The following SINHCAF variants were observed in gnomAD, a reference collection of about 807,000 sequenced individuals.
The protein encoded by SINHCAF is SIN3-HDAC complex associated factor.
SINHCAF carries 3 observed loss-of-function variants against 25.8 expected under a neutral mutation model. The observed-to-expected ratio is 0.12, with a 90% CI of 0.05 to 0.30. The LOEUF is 0.30. Among genes scored for constraint, SINHCAF ranks in the 10% least tolerant of loss-of-function variants. SINHCAF has a pLI of 1.00. For synonymous variants in SINHCAF, 70 were observed against 85.5 expected (o/e 0.82, Z 1.00); for missense variants, 121 against 262.3 (o/e 0.46, Z 3.72).
chr12:31,303,191 T>C, intron 1 of SINHCAF: 1 of 985,464 alleles, frequency 1.0e-6, no homozygotes, highest in Non-Finnish European at 1.2e-6. Flanking sequence ...AGAACAAATA[T>C]TTAGAAGAGG....
At chr12:31,319,091 C>T (rs118186367) in intron 1 of SINHCAF, among the ~76,000 whole-genome samples, 1 of 152,298 alleles carries the variant, frequency 6.6e-6, no homozygotes, top group East Asian at 1.9e-4. Context: ...TGAAAAGCCC[C>T]ATATACTCCT....
chr12:31,290,982 G>A (rs1316224363), intron 4 of SINHCAF, among the ~76,000 whole-genome samples: 2 of 152,158 alleles, frequency 1.3e-5, no homozygotes. Context: ...GCCTCCCAAA[G>A]TGCTGGGATT....
Position 31,298,214 on chromosome 12 carries a change from TG to T in SINHCAF, c.-11del. 6.2e-7 allele frequency: 1 copy of T among 1,613,952 alleles called. No individual in the cohort carries two copies. Among genetic ancestry groups the T allele is most frequent in the African/African-American group, 1.3e-5 (1 of 75,046 alleles). On this transcript the variant is annotated 5_prime_UTR_variant, in exon 2 of 6. Transcript: ENST00000337682. ...TGTGAAAACCAAACATCTTTTCTTC[TG>T]GGCAATAGTCTGTAAAGCCAAGGGA...
chr12:31,314,948 G>C (rs1025608476), intron 1 of SINHCAF, among the ~76,000 whole-genome samples: 4 of 152,206 alleles, frequency 2.6e-5, no homozygotes, highest in African/African-American at 9.7e-5. Flanking sequence ...AGTTGCAGGG[G>C]ATTTAGTCGA....
intron 1 of SINHCAF, among the ~76,000 whole-genome samples, chr12:31,316,064 G>A (rs1192623370): frequency 6.6e-6 from 1 of 152,054 alleles, no homozygotes; most frequent in Non-Finnish European, 1.5e-5. Flanking sequence ...CAGCTACTCA[G>A]GAGGCTGAGG....
chr12:31,314,673 A>G (rs1939429950), intron 1 of SINHCAF, among the ~76,000 whole-genome samples: 1 of 152,152 alleles, frequency 6.6e-6, no homozygotes, highest in African/African-American at 2.4e-5. Context: ...TCAGCATTCT[A>G]TAAGGAAGAA....
At chr12:31,305,313 A>G (rs1938976534) in intron 1 of SINHCAF, among the ~76,000 whole-genome samples, 1 of 152,196 alleles carries the variant, frequency 6.6e-6, no homozygotes, top group African/African-American at 2.4e-5. Flanking sequence ...CCAGGAGCGC[A>G]CTGTGGGACG....
chr12:31,324,688 A>C lies in SINHCAF; in HGVS notation c.-21+1336T>G, dbSNP rs1939881811. ...GTCCAGCCGGGCGCTGCCTACGTGCAGCATCAGGGATGTCGGAGCGTTTCG... is the reference window on the plus strand; with the variant it reads ...GTCCAGCCGGGCGCTGCCTACGTGCCGCATCAGGGATGTCGGAGCGTTTCG... On this transcript the variant is annotated intron_variant, in intron 1 of 5. Coordinates refer to ENST00000337682, the MANE Select transcript of SINHCAF (RefSeq NM_001135812.2). The surrounding 1 kb of genome is among the most constrained non-coding windows in gnomAD (Gnocchi z 5.5). 5 of 327,598 alleles carry C rather than the reference A, an allele frequency of 1.5e-5. No individual in the cohort carries two copies. Among genetic ancestry groups the C allele is most frequent in the South Asian group, 1.2e-4 (5 of 42,824 alleles). 20.3% of individuals were successfully genotyped at this position (327,598 alleles called of 1,614,324 possible).
intron 1 of SINHCAF, among the ~76,000 whole-genome samples, chr12:31,307,017 T>G (rs979488165): frequency 2.0e-5 from 3 of 152,154 alleles, no homozygotes; most frequent in Non-Finnish European, 4.4e-5. Context: ...CATTATCTAG[T>G]GGTGATTCTT....
At chr12:31,298,497 A>C (rs1007705269) in intron 1 of SINHCAF, 27 of 361,068 alleles carry the variant, frequency 7.5e-5, no homozygotes, top group African/African-American at 4.5e-4. Flanking sequence ...GGGGAAGAGA[A>C]GCATTTTTTA....
chr12:31,283,934 T>C (rs1937925624), intron 5 of SINHCAF, among the ~76,000 whole-genome samples: 1 of 151,774 alleles, frequency 6.6e-6, no homozygotes, highest in South Asian at 2.1e-4. Flanking sequence ...AACGTTGAGA[T>C]CCATACATAT....
At chr12:31,321,930 AAT>A (rs1440096217) in intron 1 of SINHCAF, among the ~76,000 whole-genome samples, 2 of 152,146 alleles carry the variant, frequency 1.3e-5, no homozygotes, top group African/African-American at 4.8e-5. Flanking sequence ...CTCTGACATA[AAT>A]ATGTCTGAGT....
intron 1 of SINHCAF, among the ~76,000 whole-genome samples, chr12:31,321,714 T>C (rs1432768521): frequency 6.6e-6 from 1 of 152,308 alleles, no homozygotes. Context: ...ATGTGTTCCT[T>C]TTCTGCTCAA....
chr12:31,311,085 C>T lies in SINHCAF; in HGVS notation c.-20-12861G>A, dbSNP rs186945810. 2.3e-3 allele frequency among the ~76,000 whole-genome samples: 347 copies of T among 152,146 alleles called. 2 individuals carry two copies. Among genetic ancestry groups the T allele is most frequent in the South Asian group, 0.021 (99 of 4,808 alleles). ...GGGTTTCACCAGTTGGCCAGGCTGG[C>T]CTCGAACTCCTGACCTCATGATCCA... is the stretch of plus-strand genomic sequence containing the variant. On this transcript the variant is annotated intron_variant, in intron 1 of 5. Coordinates refer to ENST00000337682, the MANE Select transcript of SINHCAF (RefSeq NM_001135812.2).
At chr12:31,304,635 A>C (rs967162296) in intron 1 of SINHCAF, 1 of 152,218 alleles carries the variant, frequency 6.6e-6, no homozygotes, top group African/African-American at 2.4e-5. Flanking sequence ...TGACATTTGG[A>C]GGGAACTGAT....
chr12:31,318,588 C>T (rs973699048), intron 1 of SINHCAF, among the ~76,000 whole-genome samples: 3 of 150,390 alleles, frequency 2.0e-5, no homozygotes, highest in Admixed American at 2.0e-4. Flanking sequence ...AATAAAATTA[C>T]AAATTCAAGT....
At chr12:31,295,566 G>A (rs1288295730) in intron 2 of SINHCAF, among the ~76,000 whole-genome samples, 1 of 152,144 alleles carries the variant, frequency 6.6e-6, no homozygotes, top group Non-Finnish European at 1.5e-5. Context: ...AATAAGAAAT[G>A]CTTTTAAAAT....
chr12:31,294,555 T>C (rs1247457958), intron 3 of SINHCAF, among the ~76,000 whole-genome samples: 2 of 152,178 alleles, frequency 1.3e-5, no homozygotes, highest in African/African-American at 4.8e-5. Flanking sequence ...CAGCCATTGA[T>C]CTCGCCCCAT....
chr12:31,281,819 T>C lies in SINHCAF; in HGVS notation c.*893A>G, dbSNP rs1166800630. 1 of 152,154 alleles carries C rather than the reference T, an allele frequency of 6.6e-6. No homozygotes were observed. The highest frequency in any genetic ancestry group is 1.9e-4 in the East Asian group (1 of 5,200). The allele number at this position is 152,154 out of a possible 1,614,324, so 9.4% of individuals were successfully genotyped here. On this transcript the variant is annotated 3_prime_UTR_variant, in exon 6 of 6. Coordinates refer to ENST00000337682, the MANE Select transcript of SINHCAF (RefSeq NM_001135812.2). ...AATTAAAATCTTTATCAAATATTAA[T>C]ATGAAGGGAGGCACAGGATGCAACA...
Sources: gnomAD v4.1 joint callset for allele counts (sites outside exome capture counted in the v4.1 genomes callset) on GRCh38, gnomAD v4.1.1 for gene constraint, Gnocchi (gnomAD v3.1) non-coding constraint, MANE v1.5 for transcripts, NCBI Gene and HGNC (gene_info 2026-07-23, HGNC 2026-07-21) for gene names.